The following BMERB1 variants were observed in gnomAD, a reference collection of about 807,000 sequenced individuals.
BMERB1 encodes the protein bMERB domain containing 1.
A neutral mutation model predicts 23.6 loss-of-function variants in BMERB1; 12 were observed. That is an observed-to-expected ratio of 0.51 (90% CI 0.33 to 0.82). The LOEUF is 0.82. Ranked by LOEUF, BMERB1 falls within the 40% of genes least tolerant of loss-of-function variation. The probability of loss-of-function intolerance (pLI) is 0.03; values close to 1 mark genes in which losing one functional copy is unlikely to be tolerated. For synonymous variants in BMERB1, 122 were observed against 96.6 expected, an observed-to-expected ratio of 1.26 and a Z score of -1.54; for missense variants, 247 against 255.4, an observed-to-expected ratio of 0.97 and a Z score of 0.22.
At chr16:15,472,976 C>T (rs898726263) in intron 1 of BMERB1, among the ~76,000 whole-genome samples, 11 of 151,112 alleles carry the variant, frequency 7.3e-5, no homozygotes, top group Non-Finnish European at 1.5e-4. Context: ...TCTCATGCCT[C>T]AGCCTCCCAA....
At chr16:15,565,585 ACGC>A (rs2030541834) in intron 2 of BMERB1, among the ~76,000 whole-genome samples, 1 of 152,218 alleles carries the variant, frequency 6.6e-6, no homozygotes, top group Non-Finnish European at 1.5e-5. Flanking sequence ...ACAGTGGCTC[ACGC>A]CTGTAATCCC....
chr16:15,563,295 G>A (rs750685187), intron 2 of BMERB1, among the ~76,000 whole-genome samples: 10 of 150,032 alleles, frequency 6.7e-5, no homozygotes, highest in Non-Finnish European at 1.0e-4. Context: ...ATCTTGGCCC[G>A]CTGCAACCTC....
chr16:15,479,873 G>A (rs1383483920), intron 1 of BMERB1, among the ~76,000 whole-genome samples: 2 of 151,618 alleles, frequency 1.3e-5, no homozygotes, highest in African/African-American at 4.8e-5. Context: ...TTGGACCTGG[G>A]AGATTGAGAA....
chr16:15,520,145 C>T (rs995879521), intron 2 of BMERB1, among the ~76,000 whole-genome samples: 1 of 152,056 alleles, frequency 6.6e-6, no homozygotes, highest in Non-Finnish European at 1.5e-5. Context: ...AAATTGAGGT[C>T]GGAGAGGCAA....
intron 2 of BMERB1, among the ~76,000 whole-genome samples, chr16:15,556,972 A>C (rs1349637589): frequency 6.6e-6 from 1 of 152,186 alleles, no homozygotes; most frequent in Non-Finnish European, 1.5e-5. Flanking sequence ...ACTATTTTTA[A>C]AAGTCAATCC....
chr16:15,507,435 C>T (rs1477875899), intron 1 of BMERB1, among the ~76,000 whole-genome samples: 2 of 152,172 alleles, frequency 1.3e-5, no homozygotes, highest in Non-Finnish European at 2.9e-5. Context: ...TTAGCTGCCT[C>T]TTCCCCCAGA....
chr16:15,551,142 G>A (rs2030079790), intron 2 of BMERB1, among the ~76,000 whole-genome samples: 1 of 152,192 alleles, frequency 6.6e-6, no homozygotes, highest in African/African-American at 2.4e-5. Flanking sequence ...TTTCTCCAGG[G>A]CTGACTCACC....
intron 2 of BMERB1, among the ~76,000 whole-genome samples, chr16:15,531,210 A>C (rs974800757): frequency 2.0e-5 from 3 of 151,978 alleles, no homozygotes; most frequent in African/African-American, 7.2e-5. Flanking sequence ...CCCAGCCTTA[A>C]ACCTCTTTTC....
chr16:15,563,722 C>T (rs953600414), intron 2 of BMERB1, among the ~76,000 whole-genome samples: 3 of 152,094 alleles, frequency 2.0e-5, no homozygotes, highest in African/African-American at 7.2e-5. Flanking sequence ...GCTACACACA[C>T]TTAAACAACC....
intron 2 of BMERB1, among the ~76,000 whole-genome samples, chr16:15,550,436 G>A (rs1425135594): frequency 2.0e-5 from 3 of 151,512 alleles, no homozygotes; most frequent in Middle Eastern, 3.5e-3. Flanking sequence ...AGGTTCAAGC[G>A]ATCCTCCCAC....
chr16:15,550,475 G>A (rs2150965902), intron 2 of BMERB1, among the ~76,000 whole-genome samples: 1 of 151,860 alleles, frequency 6.6e-6, no homozygotes, highest in South Asian at 2.1e-4. Context: ...TGGGACTACA[G>A]GTGCCCACCA....
At chr16:15,444,123 G>GTTTTTTTTTTGTTTTTTTTTTTTTTT (rs2050966707) in intron 1 of BMERB1, among the ~76,000 whole-genome samples, 1 of 35,610 alleles carries the variant, frequency 2.8e-5, no homozygotes, top group African/African-American at 1.3e-4. Flanking sequence ...CACCAGCTTT[G>GTTTTTTTTTTGTTTTTTTTTTTTTTT]TTTTTTTTTT....
chr16:15,543,296 G>C (rs904722056), intron 2 of BMERB1, among the ~76,000 whole-genome samples: 9 of 152,094 alleles, frequency 5.9e-5, no homozygotes, highest in Non-Finnish European at 1.3e-4. Flanking sequence ...GGAGCCTGGG[G>C]TTTGGGGTTC....
At chr16:15,458,044 T>G (rs1598449303) in intron 1 of BMERB1, among the ~76,000 whole-genome samples, 1 of 152,124 alleles carries the variant, frequency 6.6e-6, no homozygotes, top group South Asian at 2.1e-4. Flanking sequence ...ATCCAATCAC[T>G]TCCCACTAGG....
intron 1 of BMERB1, among the ~76,000 whole-genome samples, chr16:15,447,574 G>A (rs2051000757): frequency 6.6e-6 from 1 of 152,194 alleles, no homozygotes; most frequent in African/African-American, 2.4e-5. Context: ...CCTTCACAGA[G>A]TCTGGTGCTC....
At chr16:15,546,676 A>C (rs980929191) in intron 2 of BMERB1, among the ~76,000 whole-genome samples, 6 of 152,338 alleles carry the variant, frequency 3.9e-5, no homozygotes, top group Admixed American at 6.5e-5. Flanking sequence ...AGCTTCTTCT[A>C]GTCTAACTAA....
At chr16:15,558,094 C>T (rs1555513454) in intron 2 of BMERB1, among the ~76,000 whole-genome samples, 2 of 151,926 alleles carry the variant, frequency 1.3e-5, no homozygotes, top group Admixed American at 6.6e-5. Flanking sequence ...GCAGGTGGCC[C>T]GAGGGTCAGT....
chr16:15,442,422 G>A (rs2050947271), intron 1 of BMERB1, among the ~76,000 whole-genome samples: 1 of 152,034 alleles, frequency 6.6e-6, no homozygotes, highest in African/African-American at 2.4e-5. Context: ...TATTATAGCA[G>A]TGATATAAAT....
intron 2 of BMERB1, among the ~76,000 whole-genome samples, chr16:15,542,310 GC>G (rs138772242): frequency 0.11 from 17,453 of 151,898 alleles, 3,120 homozygotes; most frequent in African/African-American, 0.38. Context: ...TGATCTGCCG[GC>G]CTGGACCTCC....
Sources: allele counts gnomAD v4.1 joint callset (sites outside exome capture counted in the v4.1 genomes callset), GRCh38; gene constraint gnomAD v4.1.1; transcripts MANE v1.5; gene names NCBI Gene and HGNC (gene_info 2026-07-23, HGNC 2026-07-21).